Variants in VTI1A observed in about 807,000 individuals in gnomAD.
The protein encoded by VTI1A is vesicle transport through interaction with t-SNAREs homolog 1A.
VTI1A carries 22 observed loss-of-function variants against 34.9 expected under a neutral mutation model. The ratio of observed to expected loss-of-function variants is 0.63; its 90% CI spans 0.45 to 0.90. The LOEUF is 0.90. Among genes scored for constraint, VTI1A ranks in the 40% least tolerant of loss-of-function variants. The pLI is 0.00. For missense variants in VTI1A, 268 were observed against 275.6 expected, an observed-to-expected ratio of 0.97 and a Z score of 0.20; for synonymous variants, 87 against 97.3, an observed-to-expected ratio of 0.89 and a Z score of 0.62.
intron 5 of VTI1A, among the ~76,000 whole-genome samples, chr10:112,597,949 T>A (rs1305275896): frequency 6.6e-6 from 1 of 151,166 alleles, no homozygotes; most frequent in Non-Finnish European, 1.5e-5. Flanking sequence ...CGCCCGCCTC[T>A]GCCTCCCAAA....
chr10:112,558,438 G>A (rs1200308740), intron 5 of VTI1A, among the ~76,000 whole-genome samples: 1 of 152,120 alleles, frequency 6.6e-6, no homozygotes, highest in East Asian at 1.9e-4. Flanking sequence ...TTGATTCAGT[G>A]TGCATAAATA....
At chr10:112,811,298 G>C (rs1048124161) in intron 7 of VTI1A, among the ~76,000 whole-genome samples, 3 of 152,172 alleles carry the variant, frequency 2.0e-5, no homozygotes, top group Non-Finnish European at 2.9e-5. Context: ...GCCCGCTAGA[G>C]AGACAAACAC....
At chr10:112,456,743 C>G (rs142086641) in intron 1 of VTI1A, among the ~76,000 whole-genome samples, 2 of 152,258 alleles carry the variant, frequency 1.3e-5, no homozygotes, top group South Asian at 2.1e-4. Flanking sequence ...CTCTGTAGGT[C>G]AAGAGGTGAA....
In VTI1A at chr10:112,817,618, G is replaced by A. The variant is rs1278917040; in HGVS notation, c.*2235G>A. 1 of 228,958 alleles carries A rather than the reference G, an allele frequency of 4.4e-6. No individual in the cohort carries two copies. Among genetic ancestry groups the A allele is most frequent in the African/African-American group, 2.2e-5 (1 of 45,090 alleles). The allele number at this position is 228,958 out of a possible 1,614,324, so 14.2% of individuals were successfully genotyped here. ...GCTTTGTGAGGAAGCTGGTCAGAAG[G>A]TTCCCTCAACTCCTTCCTGGTCCTC... is the stretch of plus-strand genomic sequence containing the variant. On this transcript the variant is annotated 3_prime_UTR_variant, in exon 8 of 8. Coordinates refer to ENST00000393077, the MANE Select transcript of VTI1A (RefSeq NM_145206.4).
chr10:112,554,986 G>T (rs908665308), intron 5 of VTI1A, among the ~76,000 whole-genome samples: 1 of 152,006 alleles, frequency 6.6e-6, no homozygotes, highest in Non-Finnish European at 1.5e-5. Context: ...GCATAAGAAT[G>T]AATAGACCAT....
At chr10:112,473,751 G>A (rs950835667) in intron 3 of VTI1A, among the ~76,000 whole-genome samples, 1 of 152,042 alleles carries the variant, frequency 6.6e-6, no homozygotes, top group Admixed American at 6.5e-5. Flanking sequence ...GTTAGAATGT[G>A]ACTTTAAAAA....
intron 7 of VTI1A, among the ~76,000 whole-genome samples, chr10:112,796,354 C>T (rs924612624): frequency 6.7e-6 from 1 of 149,422 alleles, no homozygotes; most frequent in Admixed American, 6.7e-5. Context: ...TGCAGTGAGC[C>T]GAGATTGAGC....
chr10:112,746,058 A>G (rs1005477078), intron 7 of VTI1A, among the ~76,000 whole-genome samples: 1 of 152,240 alleles, frequency 6.6e-6, no homozygotes, highest in Non-Finnish European at 1.5e-5. Flanking sequence ...CATTTGCTAC[A>G]GAAAAAATGG....
At chr10:112,681,827 G>GATGCAA (rs1848227297) in intron 7 of VTI1A, among the ~76,000 whole-genome samples, 1 of 152,106 alleles carries the variant, frequency 6.6e-6, no homozygotes. Context: ...TTCATGAATA[G>GATGCAA]ATGCAAAGAA....
intron 3 of VTI1A, among the ~76,000 whole-genome samples, chr10:112,504,959 T>G (rs1752778894): frequency 6.6e-6 from 1 of 152,002 alleles, no homozygotes; most frequent in Non-Finnish European, 1.5e-5. Context: ...TGTGTGGGGA[T>G]TCGTTGTTGA....
chr10:112,754,435 C>T (rs979184398), intron 7 of VTI1A, among the ~76,000 whole-genome samples: 1 of 152,338 alleles, frequency 6.6e-6, no homozygotes, highest in East Asian at 1.9e-4. Flanking sequence ...TTCTTCTTAA[C>T]TGCTGCTTTT....
At chr10:112,728,955 A>C (rs1478668395) in intron 7 of VTI1A, among the ~76,000 whole-genome samples, 1 of 152,206 alleles carries the variant, frequency 6.6e-6, no homozygotes, top group Non-Finnish European at 1.5e-5. Flanking sequence ...GCCCTCCGTA[A>C]GTGGCCGAGC....
chr10:112,660,154 G>A (rs1054315160), intron 5 of VTI1A, among the ~76,000 whole-genome samples: 10 of 152,252 alleles, frequency 6.6e-5, no homozygotes, highest in African/African-American at 2.4e-4. Context: ...AGGTTGGAGT[G>A]CGGTGGCATG....
chr10:112,737,638 A>G, intron 7 of VTI1A: 2 of 1,049,882 alleles, frequency 1.9e-6, no homozygotes, highest in Non-Finnish European at 2.3e-6. Context: ...TGTGTGAAAC[A>G]CAGGGGTACC....
intron 5 of VTI1A, among the ~76,000 whole-genome samples, chr10:112,607,212 G>A (rs1026000734): frequency 5.3e-5 from 8 of 151,788 alleles, no homozygotes. Flanking sequence ...ACTTGAACCC[G>A]GGAGGCAGAG....
intron 5 of VTI1A, among the ~76,000 whole-genome samples, chr10:112,587,579 G>T (rs932076356): frequency 6.6e-6 from 1 of 152,118 alleles, no homozygotes; most frequent in African/African-American, 2.4e-5. Flanking sequence ...ATATCAAAAG[G>T]TACCTCTGCA....
At chr10:112,552,324 G>A (rs1029280564) in intron 5 of VTI1A, among the ~76,000 whole-genome samples, 3 of 152,102 alleles carry the variant, frequency 2.0e-5, no homozygotes, top group African/African-American at 7.2e-5. Context: ...GAAGAAATAA[G>A]TACTTTTAGT....
chr10:112,569,801 G>A (rs1318975389), intron 5 of VTI1A, among the ~76,000 whole-genome samples: 2 of 152,202 alleles, frequency 1.3e-5, no homozygotes, highest in South Asian at 2.1e-4. Flanking sequence ...TGGAGGTATG[G>A]CCCAGGCAAC....
At chr10:112,603,220 A>G (rs909748805) in intron 5 of VTI1A, among the ~76,000 whole-genome samples, 2 of 152,230 alleles carry the variant, frequency 1.3e-5, no homozygotes. Flanking sequence ...AAGCATGAGT[A>G]TAACAAGCTA....
Sources: allele counts gnomAD v4.1 joint callset (sites outside exome capture counted in the v4.1 genomes callset), GRCh38; gene constraint gnomAD v4.1.1; transcripts MANE v1.5; gene names NCBI Gene and HGNC (gene_info 2026-07-23, HGNC 2026-07-21).